The following TMEM117 variants were observed in gnomAD, a reference collection of about 807,000 sequenced individuals.
The protein encoded by TMEM117 is transmembrane protein 117.
TMEM117 carries 27 observed loss-of-function variants against 52.4 expected under a neutral mutation model. The ratio of observed to expected loss-of-function variants is 0.51; its 90% CI spans 0.38 to 0.71. TMEM117 has a LOEUF of 0.71. TMEM117 is among the 30% of genes least tolerant of loss of function. The pLI is 0.00. For synonymous variants in TMEM117, 215 were observed against 206.3 expected (o/e 1.04, Z -0.36); for missense variants, 556 against 630.5 (o/e 0.88, Z 1.26).
chr12:44,107,743 C>G (rs12322934), intron 3 of TMEM117, among the ~76,000 whole-genome samples: 1 of 152,096 alleles, frequency 6.6e-6, no homozygotes, highest in Non-Finnish European at 1.5e-5. Context: ...CTTTCATGAT[C>G]ATTTTAAAAT....
At chr12:44,308,511 AC>A (rs1950931852) in intron 6 of TMEM117, among the ~76,000 whole-genome samples, 3 of 152,278 alleles carry the variant, frequency 2.0e-5, no homozygotes, top group Admixed American at 6.5e-5. Flanking sequence ...TGCTATTGGC[AC>A]CCAAACTCAG....
chr12:44,314,086 G>A (rs751851572), intron 6 of TMEM117, among the ~76,000 whole-genome samples: 1 of 152,060 alleles, frequency 6.6e-6, no homozygotes, highest in Non-Finnish European at 1.5e-5. Flanking sequence ...CTATTGATGC[G>A]TTTTATTCTT....
intron 6 of TMEM117, among the ~76,000 whole-genome samples, chr12:44,363,326 G>A (rs1180029241): frequency 1.3e-5 from 2 of 152,164 alleles, no homozygotes; most frequent in South Asian, 4.1e-4. Flanking sequence ...TCTACTACAT[G>A]TGGGAGATCA....
At chr12:44,240,023 A>G (rs950587780) in intron 5 of TMEM117, among the ~76,000 whole-genome samples, 23 of 152,148 alleles carry the variant, frequency 1.5e-4, no homozygotes, top group Non-Finnish European at 3.1e-4. Flanking sequence ...ATGCATGCAG[A>G]TGAAAAAAGA....
At chr12:44,359,641 A>G (rs895497045) in intron 6 of TMEM117, among the ~76,000 whole-genome samples, 5 of 152,074 alleles carry the variant, frequency 3.3e-5, no homozygotes, top group African/African-American at 9.6e-5. Context: ...ATCTTTATGC[A>G]TATGGATCTT....
chr12:43,960,685 T>C (rs993684485), intron 3 of TMEM117, among the ~76,000 whole-genome samples: 1 of 152,298 alleles, frequency 6.6e-6, no homozygotes, highest in East Asian at 1.9e-4. Flanking sequence ...AAATATTTTA[T>C]CAGCTTGTTA....
chr12:44,075,587 G>A (rs922261682), intron 3 of TMEM117, among the ~76,000 whole-genome samples: 7 of 152,034 alleles, frequency 4.6e-5, no homozygotes, highest in Non-Finnish European at 7.4e-5. Context: ...CTTCATCTTT[G>A]TGTACAGAGG....
intron 3 of TMEM117, among the ~76,000 whole-genome samples, chr12:43,953,917 T>C (rs1207188180): frequency 6.6e-6 from 1 of 152,120 alleles, no homozygotes; most frequent in Non-Finnish European, 1.5e-5. Flanking sequence ...AAAACACTCC[T>C]CAGCAAATGC....
chr12:44,388,460 G>A lies in TMEM117; in HGVS notation c.1333G>A (p.Asp445Asn), dbSNP rs761087226. 1 of 1,613,344 alleles carries A rather than the reference G, an allele frequency of 6.2e-7. No individual in the cohort carries two copies. Among genetic ancestry groups the A allele is most frequent in the East Asian group, 2.2e-5 (1 of 44,856 alleles). The change falls in exon 8 of 8, where the codon GAC (aspartate) becomes AAC (asparagine). Residue 445 changes from aspartate to asparagine, a missense_variant. Asp to Asn is a conservative substitution (Grantham distance 23). Coordinates refer to ENST00000266534, the MANE Select transcript of TMEM117 (RefSeq NM_032256.3). ...AAAATCTCCATCAGAACATAGCAAA[G>A]ACATGGGAATCACTCGAGAAAACAC... Reference protein sequence around the residue: ...KRKSPSEHSKDMGITRENTQA... With the variant: ...KRKSPSEHSKNMGITRENTQA...
intron 4 of TMEM117, among the ~76,000 whole-genome samples, chr12:44,197,003 A>G (rs534782943): frequency 2.2e-4 from 33 of 152,326 alleles, no homozygotes; most frequent in African/African-American, 5.8e-4. Flanking sequence ...TTGTCACCCA[A>G]TAGAGCTGGC....
intron 3 of TMEM117, among the ~76,000 whole-genome samples, chr12:43,966,967 A>T (rs1439954557): frequency 6.6e-6 from 1 of 152,190 alleles, no homozygotes; most frequent in Non-Finnish European, 1.5e-5. Context: ...GTGAGAAATG[A>T]CTATAACTGT....
intron 3 of TMEM117, among the ~76,000 whole-genome samples, chr12:44,017,438 T>A (rs981963716): frequency 6.6e-6 from 1 of 151,128 alleles, no homozygotes; most frequent in African/African-American, 2.4e-5. Context: ...AGAAATCTTA[T>A]ATGATTTCTA....
chr12:44,295,716 A>G (rs1243085836), intron 5 of TMEM117, among the ~76,000 whole-genome samples: 2 of 149,878 alleles, frequency 1.3e-5, no homozygotes, highest in Non-Finnish European at 3.0e-5. Context: ...TGAACTTCTA[A>G]TTTTGTCCAT....
chr12:44,245,473 G>C (rs1436372027), intron 5 of TMEM117, among the ~76,000 whole-genome samples: 3 of 151,480 alleles, frequency 2.0e-5, no homozygotes, highest in African/African-American at 7.3e-5. Flanking sequence ...AAATGGGATT[G>C]TTTTTTAAAA....
chr12:44,189,587 G>C (rs1949324753), intron 4 of TMEM117, among the ~76,000 whole-genome samples: 1 of 152,074 alleles, frequency 6.6e-6, no homozygotes, highest in South Asian at 2.1e-4. Flanking sequence ...ATAAACTTTT[G>C]CCTTGTGTCT....
intron 2 of TMEM117, among the ~76,000 whole-genome samples, chr12:43,904,641 G>A (rs902878985): frequency 6.6e-5 from 10 of 151,976 alleles, no homozygotes; most frequent in African/African-American, 2.4e-4. Context: ...ACATTGATCT[G>A]TTGATCATTT....
intron 3 of TMEM117, among the ~76,000 whole-genome samples, chr12:44,114,963 T>G (rs1223589925): frequency 6.6e-6 from 1 of 152,234 alleles, no homozygotes; most frequent in Non-Finnish European, 1.5e-5. Flanking sequence ...TACTGTAGAA[T>G]ATCTTTAAAA....
chr12:43,892,740 A>T (rs1944130081), intron 2 of TMEM117, among the ~76,000 whole-genome samples: 1 of 152,276 alleles, frequency 6.6e-6, no homozygotes, highest in African/African-American at 2.4e-5. Flanking sequence ...GATAAACAAA[A>T]TAGATAAAAT....
intron 6 of TMEM117, among the ~76,000 whole-genome samples, chr12:44,306,937 G>GCA (rs1259474950): frequency 6.6e-6 from 1 of 152,160 alleles, no homozygotes; most frequent in Non-Finnish European, 1.5e-5. Flanking sequence ...GGAGAGAAGT[G>GCA]ATATTTCCTG....
Sources: allele counts gnomAD v4.1 joint callset (sites outside exome capture counted in the v4.1 genomes callset), GRCh38; gene constraint gnomAD v4.1.1; transcripts MANE v1.5; gene names NCBI Gene and HGNC (gene_info 2026-07-23, HGNC 2026-07-21).